NPAS3: variants seen among roughly 807,000 people sequenced by gnomAD.
NPAS3 encodes the protein neuronal PAS domain-containing protein 3.
In NPAS3, 14 loss-of-function variants were observed where a neutral mutation model predicts 73.1. That is an observed-to-expected ratio of 0.19 (90% CI 0.13 to 0.30). NPAS3 has a LOEUF of 0.30. Among genes scored for constraint, NPAS3 ranks in the 10% least tolerant of loss-of-function variants. The probability of loss-of-function intolerance (pLI) is 1.00; values close to 1 mark genes in which losing one functional copy is unlikely to be tolerated. For synonymous variants in NPAS3, 620 were observed against 541.5 expected, an observed-to-expected ratio of 1.14 and a Z score of -2.01; for missense variants, 1,096 against 1,250.0, an observed-to-expected ratio of 0.88 and a Z score of 1.86.
In NPAS3 at chr14:33,277,310, T is replaced by C. The variant is rs142253149; in HGVS notation, c.385+61884T>C. ...GTCTTTCTAGTCCCAGCTCTGGCAC[T>C]GATTAACTGGCTACCATATGCAGTT... On this transcript the variant is annotated intron_variant, in intron 3 of 11. Coordinates refer to ENST00000356141, the Ensembl canonical transcript of NPAS3. Among the ~76,000 whole-genome samples, 996 of 152,272 alleles carry C rather than the reference T, an allele frequency of 6.5e-3. 15 individuals are homozygous for C. The highest frequency in any genetic ancestry group is 0.022 in the African/African-American group (921 of 41,550).
intron 7 of NPAS3, among the ~76,000 whole-genome samples, chr14:33,768,971 G>T (rs1212634928): frequency 2.6e-5 from 4 of 152,180 alleles, no homozygotes; most frequent in African/African-American, 9.7e-5. Flanking sequence ...GGCAAGCCTG[G>T]CATTTATGTT....
chr14:33,674,163 G>A (rs1350484853), intron 5 of NPAS3, among the ~76,000 whole-genome samples: 2 of 151,702 alleles, frequency 1.3e-5, no homozygotes, highest in Admixed American at 6.6e-5. Context: ...AGGATGTGGA[G>A]AGAGTGGCCT....
At chr14:33,668,483 A>C (rs987315951) in intron 5 of NPAS3, among the ~76,000 whole-genome samples, 1 of 152,160 alleles carries the variant, frequency 6.6e-6, no homozygotes, top group Non-Finnish European at 1.5e-5. Context: ...TCATCCCCAG[A>C]ATTATTATGG....
intron 3 of NPAS3, among the ~76,000 whole-genome samples, chr14:33,259,270 T>C (rs1310681019): frequency 6.6e-6 from 1 of 152,236 alleles, no homozygotes; most frequent in Non-Finnish European, 1.5e-5. Flanking sequence ...GCTATGATTT[T>C]TTATCTCCTT....
chr14:33,455,836 T>A (rs1001194821), intron 4 of NPAS3, among the ~76,000 whole-genome samples: 2 of 152,214 alleles, frequency 1.3e-5, no homozygotes, highest in African/African-American at 4.8e-5. Flanking sequence ...GTTATGCATG[T>A]ACAAAAGTTA....
chr14:33,506,117 T>C (rs2052749246), intron 4 of NPAS3, among the ~76,000 whole-genome samples: 1 of 152,020 alleles, frequency 6.6e-6, no homozygotes, highest in Non-Finnish European at 1.5e-5. Context: ...GCTTTATTTT[T>C]CACCATTTCC....
At chr14:33,474,732 G>A (rs1028715354) in intron 4 of NPAS3, among the ~76,000 whole-genome samples, 1 of 152,296 alleles carries the variant, frequency 6.6e-6, no homozygotes, top group East Asian at 1.9e-4. Flanking sequence ...ACTTAGTAAC[G>A]TGAGAGGTGA....
chr14:33,074,944 A>AC (rs1164414746), intron 2 of NPAS3, among the ~76,000 whole-genome samples: 1 of 152,232 alleles, frequency 6.6e-6, no homozygotes, highest in Non-Finnish European at 1.5e-5. Flanking sequence ...AGGAAGAAAA[A>AC]TAAATCCTAT....
At chr14:33,204,690 C>T (rs898889553) in intron 2 of NPAS3, among the ~76,000 whole-genome samples, 2 of 152,144 alleles carry the variant, frequency 1.3e-5, no homozygotes, top group Non-Finnish European at 2.9e-5. Context: ...TTTGGGATTC[C>T]GAGGGGACCA....
At chr14:32,963,132 A>AT in intron 1 of NPAS3, among the ~76,000 whole-genome samples, 1 of 152,304 alleles carries the variant, frequency 6.6e-6, no homozygotes. Context: ...TAATTTAACG[A>AT]TAAAAACTAT....
intron 4 of NPAS3, 104 bp downstream of exon 4, chr14:33,367,372 G>A (rs1209689328): frequency 1.4e-5 from 8 of 562,968 alleles, no homozygotes; most frequent in Admixed American, 7.2e-5. Context: ...CTGTATATTT[G>A]ACTGTTGTGA....
chr14:33,148,688 TA>T (rs1157758598), intron 2 of NPAS3, among the ~76,000 whole-genome samples: 6 of 151,982 alleles, frequency 3.9e-5, no homozygotes, highest in Non-Finnish European at 8.8e-5. Context: ...TTTTCTTTTT[TA>T]AAAAAAATTT....
chr14:32,989,299 G>A (rs2038217013), intron 1 of NPAS3, among the ~76,000 whole-genome samples: 1 of 152,228 alleles, frequency 6.6e-6, no homozygotes, highest in Non-Finnish European at 1.5e-5. Context: ...TGACTGGACA[G>A]AGGTAGTCCT....
At chr14:33,091,137 A>G (rs2042209938) in intron 2 of NPAS3, among the ~76,000 whole-genome samples, 2 of 152,218 alleles carry the variant, frequency 1.3e-5, no homozygotes, top group African/African-American at 4.8e-5. Context: ...AATAACTAAG[A>G]TCAGAACAGA....
At chr14:33,473,777 G>T (rs1218289877) in intron 4 of NPAS3, among the ~76,000 whole-genome samples, 1 of 152,154 alleles carries the variant, frequency 6.6e-6, no homozygotes, top group Non-Finnish European at 1.5e-5. Flanking sequence ...AGTTTAGCTT[G>T]CTGCCTGATT....
rs546403559 is a variant in NPAS3, at chr14:33,309,745, G to C, written c.386-57441G>C. On this transcript the variant is annotated intron_variant, in intron 3 of 11. Transcript: ENST00000356141. The stretch of plus-strand genomic sequence containing the variant: ...TATTGCTTAATTTTTAAAATGGACT[G>C]TGAAATGCTGTATATGAACAAATTA... 2.0e-5 allele frequency among the ~76,000 whole-genome samples: 3 copies of C among 152,296 alleles called. No homozygotes were observed. In the East Asian group the frequency reaches 5.8e-4, roughly 29 times the overall value.
intron 4 of NPAS3, among the ~76,000 whole-genome samples, chr14:33,384,964 G>A (rs1248105419): frequency 6.6e-6 from 1 of 152,132 alleles, no homozygotes. Flanking sequence ...CTCTTGGTAA[G>A]GGTAGGTTGG....
chr14:33,148,925 G>T (rs1001167954), intron 2 of NPAS3, among the ~76,000 whole-genome samples: 5 of 152,070 alleles, frequency 3.3e-5, no homozygotes, highest in African/African-American at 1.2e-4. Context: ...GGGCTCAAGG[G>T]ATCCTCTCAC....
chr14:33,794,159 G>A (rs1230473437), intron 10 of NPAS3, 115 bp downstream of exon 10: 4 of 912,554 alleles, frequency 4.4e-6, no homozygotes, highest in Non-Finnish European at 6.6e-6. Flanking sequence ...AGTACCTGGT[G>A]TGGAATTTCA....
Sources: allele counts gnomAD v4.1 joint callset (sites outside exome capture counted in the v4.1 genomes callset), GRCh38; gene constraint gnomAD v4.1.1; transcripts MANE v1.5; gene names NCBI Gene and HGNC (gene_info 2026-07-23, HGNC 2026-07-21).